MOV10L1: variants seen among roughly 807,000 people sequenced by gnomAD.
The protein encoded by MOV10L1 is Mov10 like RNA helicase 1.
A neutral mutation model predicts 143.8 loss-of-function variants in MOV10L1; 110 were observed. The ratio of observed to expected loss-of-function variants is 0.76; its 90% CI spans 0.66 to 0.90. The LOEUF is 0.90. Among genes scored for constraint, MOV10L1 ranks in the 40% least tolerant of loss-of-function variants. The pLI is 0.00. For synonymous variants in MOV10L1, 593 were observed against 581.1 expected (o/e 1.02, Z -0.29); for missense variants, 1,406 against 1,526.8 (o/e 0.92, Z 1.32).
chr22:50,115,096 TA>T lies in MOV10L1; in HGVS notation c.1127-14del. ...TTTACCTTTTGGTCAACTTTTGTAT[TA>T]AAATTTTATTTCCCAGGTGATTGTA... On this transcript the variant is annotated splice_polypyrimidine_tract_variant and intron_variant, in intron 7 of 26. Coordinates refer to ENST00000262794, the MANE Select transcript of MOV10L1 (RefSeq NM_018995.3). The T allele has an allele frequency of 6.4e-7, 1 of 1,559,132 alleles. No individual in the cohort carries two copies. The highest frequency in any genetic ancestry group is 8.6e-7 in the Non-Finnish European group (1 of 1,161,772).
At chr22:50,090,658 T>C in intron 1 of MOV10L1, 1 of 1,024,312 alleles carries the variant, frequency 9.8e-7, no homozygotes, top group South Asian at 1.4e-5. Context: ...CCCTCACCGT[T>C]CCTTTCTCCT....
Position 50,127,482 on chromosome 22 carries a change from C to T in MOV10L1, c.1819-934C>T, listed in dbSNP as rs144478052. Among the ~76,000 whole-genome samples the T allele has an allele frequency of 1.7e-3, 265 of 152,334 alleles. 1 individual carries two copies. The highest frequency in any genetic ancestry group is 9.3e-3 in the South Asian group (45 of 4,826). ...CTTCCTCATCCTCAGGGGAAACAAT[C>T]CCATGGCCCTGTACCACTGTTGCTT... On this transcript the variant is annotated intron_variant, in intron 12 of 26. Transcript: ENST00000262794.
At chr22:50,155,735 A>C (rs2063410099) in intron 22 of MOV10L1, among the ~76,000 whole-genome samples, 1 of 152,050 alleles carries the variant, frequency 6.6e-6, no homozygotes, top group South Asian at 2.1e-4. Flanking sequence ...TGGCCTCCCA[A>C]AGTACTGGGA....
chr22:50,148,459 T>C (rs964142629), intron 19 of MOV10L1, among the ~76,000 whole-genome samples: 6 of 152,118 alleles, frequency 3.9e-5, no homozygotes, highest in Non-Finnish European at 8.8e-5. Flanking sequence ...TGACGACTCC[T>C]TCCCGCAAAA....
At chr22:50,123,882 G>C (rs8141590) in intron 10 of MOV10L1, among the ~76,000 whole-genome samples, 34,175 of 152,070 alleles carry the variant, frequency 0.22, 4,200 homozygotes, top group Admixed American at 0.35. Flanking sequence ...GTCTTGGTAG[G>C]TTTTGTGTTT....
chr22:50,144,773 G>A (rs1180433065), intron 18 of MOV10L1, among the ~76,000 whole-genome samples: 1 of 152,010 alleles, frequency 6.6e-6, no homozygotes, highest in Non-Finnish European at 1.5e-5. Flanking sequence ...AGTAGAGACG[G>A]AGTTTCACCG....
At chr22:50,146,970 C>T (rs998118098) in intron 19 of MOV10L1, 185 of 1,227,300 alleles carry the variant, frequency 1.5e-4, no homozygotes, top group Non-Finnish European at 2.1e-4. Flanking sequence ...TGCCCGAGAG[C>T]CGTGTGTGGC....
intron 20 of MOV10L1, among the ~76,000 whole-genome samples, chr22:50,150,506 G>A (rs747350923): frequency 1.3e-5 from 2 of 152,208 alleles, no homozygotes; most frequent in Admixed American, 6.5e-5. Context: ...TGCAGAAGCC[G>A]GGCAGATGGC....
rs71198220 is a variant in MOV10L1, at chr22:50,127,779, G to GTT, written c.1819-627_1819-626dup. 8.4e-4 allele frequency among the ~76,000 whole-genome samples: 123 copies of GTT among 147,024 alleles called. 1 individual carries two copies. The highest frequency in any genetic ancestry group is 2.8e-3 in the Admixed American group (41 of 14,842). The stretch of plus-strand genomic sequence containing the variant: ...AAGTCTTGTAATGACTGTTTTTTTT[G>GTT]TTTTTTTTTTTGAGATGGATTCTCA... On this transcript the variant is annotated intron_variant, in intron 12 of 26. Transcript: ENST00000262794.
Position 50,091,982 on chromosome 22 carries a change from C to T in MOV10L1, c.98-19C>T, listed in dbSNP as rs566191039. 1 of 1,606,694 alleles carries T rather than the reference C, an allele frequency of 6.2e-7. No individual in the cohort carries two copies. The highest frequency in any genetic ancestry group is 8.5e-7 in the Non-Finnish European group (1 of 1,176,044). Reference sequence around the variant, plus strand: ...CTTGCTTTTATGGCCAAGATAACTTCTTTGTTTACCTACCTCAGGTGACAC... The same window carrying T: ...CTTGCTTTTATGGCCAAGATAACTTTTTTGTTTACCTACCTCAGGTGACAC... On this transcript the variant is annotated intron_variant, in intron 1 of 26. Transcript: ENST00000262794.
chr22:50,128,350 T>TGG (rs2058362743), intron 12 of MOV10L1, 66 bp from the exon 13 acceptor site: 1 of 904,186 alleles, frequency 1.1e-6, no homozygotes, highest in African/African-American at 1.7e-5. Context: ...TTTTTGATGA[T>TGG]GTGTCGCTAG....
chr22:50,153,878 G>A (rs1337871193), intron 22 of MOV10L1, among the ~76,000 whole-genome samples: 2 of 151,700 alleles, frequency 1.3e-5, no homozygotes, highest in African/African-American at 2.4e-5. Flanking sequence ...TGCAGTGAGG[G>A]CTGCACCCGG....
chr22:50,152,574 G>T lies in MOV10L1; in HGVS notation c.2893-471G>T, dbSNP rs138272. 0.62 allele frequency among the ~76,000 whole-genome samples: 95,007 copies of T among 152,030 alleles called. 31,632 individuals are homozygous for T. The highest frequency in any genetic ancestry group is 0.74 in the Admixed American group (11,355 of 15,292). On this transcript the variant is annotated intron_variant, in intron 21 of 26. Coordinates refer to ENST00000262794, the MANE Select transcript of MOV10L1 (RefSeq NM_018995.3). The surrounding 1 kb of genome is among the most constrained non-coding windows in gnomAD (Gnocchi z 4.4). ...AGCCAGGCCCGCCCAGGGCTGGCCA[G>T]GCCCCCAGAGTCACAGTGTCTATGC...
intron 5 of MOV10L1, among the ~76,000 whole-genome samples, 187 bp from the exon 6 acceptor site, chr22:50,113,461 A>G (rs1405851742): frequency 1.3e-5 from 2 of 152,120 alleles, no homozygotes; most frequent in African/African-American, 2.4e-5. Context: ...TCTAGACTTT[A>G]TGAAGTGCAT....
intron 11 of MOV10L1, among the ~76,000 whole-genome samples, chr22:50,125,786 T>G (rs960376898): frequency 3.3e-5 from 5 of 152,050 alleles, no homozygotes; most frequent in African/African-American, 1.2e-4. Context: ...TGTTTTTGTT[T>G]GTTTGTTTGT....
intron 2 of MOV10L1, among the ~76,000 whole-genome samples, chr22:50,098,269 T>C (rs527855321): frequency 6.0e-5 from 5 of 83,890 alleles, no homozygotes; most frequent in Admixed American, 1.6e-4. Flanking sequence ...ATCTTAATAA[T>C]CACATAATCA....
At chr22:50,154,429 A>C (rs2063375167) in intron 22 of MOV10L1, among the ~76,000 whole-genome samples, 1 of 151,622 alleles carries the variant, frequency 6.6e-6, no homozygotes, top group African/African-American at 2.4e-5. Context: ...TTAGCTGAGC[A>C]TGGTGGCATG....
chr22:50,118,477 C>A (rs185529868), intron 9 of MOV10L1, among the ~76,000 whole-genome samples: 10 of 152,260 alleles, frequency 6.6e-5, no homozygotes, highest in Non-Finnish European at 1.0e-4. Context: ...GCACTAGGGG[C>A]CATTGCTACG....
chr22:50,142,510 A>G (rs1186680711), intron 16 of MOV10L1, among the ~76,000 whole-genome samples: 1 of 152,106 alleles, frequency 6.6e-6, no homozygotes, highest in African/African-American at 2.4e-5. Context: ...CAGCAGCTGC[A>G]TTCGTTCTCC....
Sources: allele counts gnomAD v4.1 joint callset (sites outside exome capture counted in the v4.1 genomes callset), GRCh38; gene constraint gnomAD v4.1.1; non-coding constraint Gnocchi (gnomAD v3.1); transcripts MANE v1.5; gene names NCBI Gene and HGNC (gene_info 2026-07-23, HGNC 2026-07-21).